The following ZNF695 variants were observed in gnomAD, a reference collection of about 807,000 sequenced individuals.
The protein encoded by ZNF695 is zinc finger protein 695.
Under a neutral mutation model 11.2 loss-of-function variants are expected in ZNF695, and 11 were observed. That is an observed-to-expected ratio of 0.98 (90% CI 0.62 to 1.62). The LOEUF (loss-of-function observed/expected upper bound fraction) is 1.62, where lower values mean the gene tolerates loss of function less well. ZNF695 is among the 40% of genes most tolerant of loss of function. The pLI, the probability that ZNF695 is intolerant of heterozygous loss-of-function variation, is 0.00. For missense variants in ZNF695, 559 were observed against 590.5 expected, an observed-to-expected ratio of 0.95 and a Z score of 0.55; for synonymous variants, 190 against 201.4, an observed-to-expected ratio of 0.94 and a Z score of 0.48.
intron 5 of ZNF695, among the ~76,000 whole-genome samples, chr1:246,952,549 CT>C (rs11326820): frequency 0.5 from 68,242 of 137,224 alleles, 18,004 homozygotes; most frequent in African/African-American, 0.76. Flanking sequence ...TCTTCTTCTT[CT>C]TTTTTTTTTT....
chr1:247,007,842 C>A, intron 1 of ZNF695, 64 bp downstream of exon 1: 1 of 1,492,896 alleles, frequency 6.7e-7, no homozygotes, highest in South Asian at 1.3e-5. Flanking sequence ...CTGGTTCCAG[C>A]CAATTCCAAC....
intron 5 of ZNF695, among the ~76,000 whole-genome samples, chr1:246,947,793 A>G (rs1352550695): frequency 6.6e-6 from 1 of 152,202 alleles, no homozygotes; most frequent in Non-Finnish European, 1.5e-5. Context: ...ACCTCCATGA[A>G]TTACCATGTA....
chr1:246,982,999 T>G (rs573892368), downstream of ZNF695, among the ~76,000 whole-genome samples: 1 of 150,424 alleles, frequency 6.6e-6, no homozygotes. Context: ...GTCAGGAGAT[T>G]GAGACCATCC....
chr1:247,000,509 TAAAC>T (rs1272706789), intron 1 of ZNF695, among the ~76,000 whole-genome samples: 6 of 151,690 alleles, frequency 4.0e-5, no homozygotes, highest in South Asian at 4.2e-4. Context: ...AATAAATAAA[TAAAC>T]AAACAAATAA....
At chr1:247,004,499 A>G (rs976361298) in intron 1 of ZNF695, among the ~76,000 whole-genome samples, 1 of 152,174 alleles carries the variant, frequency 6.6e-6, no homozygotes, top group African/African-American at 2.4e-5. Context: ...AGGAGGAAAA[A>G]CTGACAGCTA....
intron 4 of ZNF695, among the ~76,000 whole-genome samples, chr1:246,974,153 C>CAA (rs36072925): frequency 9.8e-5 from 14 of 143,524 alleles, no homozygotes; most frequent in African/African-American, 3.2e-4. Flanking sequence ...AAAAAACAAA[C>CAA]AAACAAACAA....
At chr1:246,981,956 T>G (rs189179501), downstream of ZNF695, among the ~76,000 whole-genome samples, 1 of 152,188 alleles carries the variant, frequency 6.6e-6, no homozygotes, top group East Asian at 1.9e-4. Flanking sequence ...TTCCCAAGAT[T>G]GCAAAAATAA....
intron 3 of ZNF695, among the ~76,000 whole-genome samples, chr1:246,988,988 G>A (rs919265894): frequency 5.9e-5 from 9 of 152,112 alleles, no homozygotes; most frequent in African/African-American, 2.4e-5. Flanking sequence ...CACCTACTCA[G>A]GAGGCTGAGG....
intron 5 of ZNF695, among the ~76,000 whole-genome samples, chr1:246,947,637 G>T (rs1667771896): frequency 6.7e-6 from 1 of 148,570 alleles, no homozygotes; most frequent in African/African-American, 2.5e-5. Flanking sequence ...GGTATATCGG[G>T]CGTTTCCATG....
At chr1:247,006,696 G>A (rs1669551442) in intron 1 of ZNF695, among the ~76,000 whole-genome samples, 2 of 152,222 alleles carry the variant, frequency 1.3e-5, no homozygotes, top group Admixed American at 1.3e-4. Flanking sequence ...ATTTGGGAAT[G>A]TAGAAAAGAA....
At chr1:246,972,931 GTA>G (rs57441901) in intron 4 of ZNF695, among the ~76,000 whole-genome samples, 58,027 of 144,970 alleles carry the variant, frequency 0.4, 11,828 homozygotes, top group African/African-American at 0.49. Flanking sequence ...TTTTTAATGT[GTA>G]TATATATATA....
At chr1:246,990,702 C>T (rs1669007157) in intron 3 of ZNF695, among the ~76,000 whole-genome samples, 1 of 152,004 alleles carries the variant, frequency 6.6e-6, no homozygotes, top group African/African-American at 2.4e-5. Context: ...CAAGGATAGA[C>T]CAAATGTTAG....
chr1:246,993,023 T>C (rs1403746043), intron 3 of ZNF695, among the ~76,000 whole-genome samples: 3 of 152,218 alleles, frequency 2.0e-5, no homozygotes, highest in South Asian at 2.1e-4. Flanking sequence ...AAATGGTTGT[T>C]ATAGCAGATG....
intron 1 of ZNF695, among the ~76,000 whole-genome samples, chr1:247,007,502 A>AG: frequency 6.6e-6 from 1 of 150,492 alleles, no homozygotes; most frequent in East Asian, 1.9e-4. Context: ...CTCAAAAAAA[A>AG]AAAAAAAAAA....
intron 5 of ZNF695, among the ~76,000 whole-genome samples, chr1:246,962,991 C>T (rs978354882): frequency 9.9e-5 from 15 of 152,246 alleles, no homozygotes; most frequent in African/African-American, 2.9e-4. Flanking sequence ...AACCTTTCAA[C>T]GATTCCTCGC....
rs562194824 is a variant in ZNF695 at position 246,959,805 on chromosome 1, T to C, written c.488+7890A>G. On this transcript the variant is annotated intron_variant, in intron 5 of 5. Transcript: ENST00000487338. ...AATGTGCCACATTCTGCACCAATGATGCAGGAAATTAACAGCTAGATGTTC... is the reference window on the plus strand; with the variant it reads ...AATGTGCCACATTCTGCACCAATGACGCAGGAAATTAACAGCTAGATGTTC... 3.9e-5 allele frequency among the ~76,000 whole-genome samples: 6 copies of C among 152,294 alleles called. No individual in the cohort carries two copies. In the East Asian group the frequency reaches 1.2e-3, roughly 29 times the overall value.
At chr1:247,003,898 T>C (rs775160558) in intron 1 of ZNF695, among the ~76,000 whole-genome samples, 1 of 152,228 alleles carries the variant, frequency 6.6e-6, no homozygotes, top group Admixed American at 6.5e-5. Context: ...CATAAATTCT[T>C]AGTATTTGAA....
At chr1:246,998,371 T>C (rs1398627686) in intron 3 of ZNF695, among the ~76,000 whole-genome samples, 1 of 152,236 alleles carries the variant, frequency 6.6e-6, no homozygotes, top group African/African-American at 2.4e-5. Flanking sequence ...TATGAGTAGA[T>C]ATATTAAACT....
At chr1:246,959,588 G>A (rs1193240852) in intron 5 of ZNF695, among the ~76,000 whole-genome samples, 3 of 151,232 alleles carry the variant, frequency 2.0e-5, no homozygotes, top group East Asian at 2.0e-4. Flanking sequence ...CACCATACCC[G>A]GCTAATTTTT....
Sources: gnomAD v4.1 joint callset for allele counts (sites outside exome capture counted in the v4.1 genomes callset) on GRCh38, gnomAD v4.1.1 for gene constraint, MANE v1.5 for transcripts, NCBI Gene and HGNC (gene_info 2026-07-23, HGNC 2026-07-21) for gene names.